The following NKPD1 variants were observed in gnomAD, a reference collection of about 807,000 sequenced individuals.
NKPD1 encodes NTPase KAP family P-loop domain containing 1.
NKPD1 carries 37 observed loss-of-function variants against 42.2 expected under a neutral mutation model. That is an observed-to-expected ratio of 0.88 (90% CI 0.67 to 1.15). The LOEUF is 1.15. Ranked by LOEUF, NKPD1 falls within the 50% of genes most tolerant of loss-of-function variation. The pLI is 0.00. For missense variants in NKPD1, 1,113 were observed against 1,174.6 expected (o/e 0.95, Z 0.77); for synonymous variants, 552 against 536.5 (o/e 1.03, Z -0.40).
At position 45,152,420 on chromosome 19, in the gene NKPD1, A is replaced by T. The variant is rs1436315559; in HGVS notation, c.2017T>A (p.Cys673Ser). The change falls in exon 5 of 5, where the codon TGC (cysteine) becomes AGC (serine). Residue 673 changes from cysteine to serine, a missense_variant. Physicochemically the swap from Cys to Ser is moderately radical, Grantham distance 112 (BLOSUM62 -1). Around this residue, in one of 3 missense-constraint regions of NKPD1, gnomAD observed 867 missense variants for 870.1 expected, o/e 1.00. Coordinates refer to ENST00000686631, the MANE Select transcript of NKPD1 (RefSeq NM_198478.4). ...CCGGTCTGCTGCCGGTCCTCCAGGCACTGCAGCGCCCAGCTCAGGCGGCAC... is the reference window on the plus strand; with the variant it reads ...CCGGTCTGCTGCCGGTCCTCCAGGCTCTGCAGCGCCCAGCTCAGGCGGCAC... Reference protein sequence around the residue: ...WPCRLSWALQCLEDRQQTGGA... With the variant: ...WPCRLSWALQSLEDRQQTGGA... 6.4e-7 allele frequency: 1 copy of T among 1,570,522 alleles called. No individual in the cohort carries two copies.
Position 45,158,714 on chromosome 19 carries a change from G to C in NKPD1, c.478C>G (p.Arg160Gly), listed in dbSNP as rs150780522. ...LLKPSEPTDA[R>G]PLPAPAACGS... ...CAGGCCGCTGGGGCGGGCAGGGGCC[G>C]GGCATCAGTGGGCTCGCTGGGCTTC... Residue 160 changes from arginine to glycine, a missense_variant, in exon 3 of 5, where the codon CGG becomes GGG. By Grantham distance (125) the Arg-to-Gly change is moderately radical. This residue lies in a region of NKPD1 where 204 missense variants were observed against 227.8 expected (regional missense o/e 0.90). Coordinates refer to ENST00000686631, the MANE Select transcript of NKPD1 (RefSeq NM_198478.4). This position sits in a 1 kb window ranked among gnomAD's most constrained non-coding sequence, Gnocchi z 4.6. The C allele has an allele frequency of 1.7e-6, 2 of 1,198,870 alleles. No individual in the cohort carries two copies. Among genetic ancestry groups the C allele is most frequent in the African/African-American group, 3.3e-5 (2 of 61,512 alleles). 74.3% of individuals were successfully genotyped at this position (1,198,870 alleles called of 1,614,324 possible). A position where few individuals can be genotyped will look rare whatever the true frequency, so the allele number is the denominator to read the frequency against.
At chr19:45,162,782 C>T (rs1969034140), upstream of NKPD1, 1 of 170,860 alleles carries the variant, frequency 5.9e-6, no homozygotes, top group Admixed American at 6.3e-5. Context: ...GCCAGCATCC[C>T]TCTGCCAGGA....
chr19:45,156,307 T>A (rs1968901823), intron 3 of NKPD1, among the ~76,000 whole-genome samples: 1 of 152,098 alleles, frequency 6.6e-6, no homozygotes, highest in South Asian at 2.1e-4. Flanking sequence ...CTTTCCACCA[T>A]CAGCAGGACT....
Position 45,152,920 on chromosome 19 carries a change from C to G in NKPD1, c.1517G>C (p.Gly506Ala). The G allele has an allele frequency of 6.3e-7, 1 of 1,579,890 alleles. No homozygotes were observed. Among genetic ancestry groups the G allele is most frequent in the Non-Finnish European group, 8.6e-7 (1 of 1,160,888 alleles). Residue 506 changes from glycine to alanine, a missense_variant, in exon 5 of 5, where the codon GGC (glycine) becomes GCC (alanine). By Grantham distance (60) the Gly-to-Ala change is moderately conservative (BLOSUM62 0). Around this residue, in one of 3 missense-constraint regions of NKPD1, gnomAD observed 867 missense variants for 870.1 expected, o/e 1.00. Coordinates refer to ENST00000686631, the MANE Select transcript of NKPD1 (RefSeq NM_198478.4). The stretch of plus-strand genomic sequence containing the variant: ...GTTATCGGCCGTGCCCTTCATGTTG[C>G]CCGCGCTCTCTAGGCACGCGGCCAG... Reference protein sequence around the residue: ...SILAACLESAGNMKGTADNGY... With the variant: ...SILAACLESAANMKGTADNGY...
chr19:45,151,848 C>T lies in NKPD1; in HGVS notation c.*90G>A. On this transcript the variant is annotated 3_prime_UTR_variant, in exon 5 of 5. Coordinates refer to ENST00000686631, the MANE Select transcript of NKPD1 (RefSeq NM_198478.4). ...GTGGGCCTCACAGGGCTCATTCGGA[C>T]CCTGGGTTGCGGCCCCAGTCCAGCC... 1 of 1,362,436 alleles carries T rather than the reference C, an allele frequency of 7.3e-7. No individual in the cohort carries two copies. Among genetic ancestry groups the T allele is most frequent in the Non-Finnish European group, 9.7e-7 (1 of 1,027,506 alleles). The allele number at this position is 1,362,436 out of a possible 1,614,324, so 84.4% of individuals were successfully genotyped here. A position where few individuals can be genotyped will look rare whatever the true frequency, so the allele number is the denominator to read the frequency against.
rs1413567168 is a variant in NKPD1 at position 45,151,911 on chromosome 19, C to T, written c.*27G>A. On this transcript the variant is annotated 3_prime_UTR_variant, in exon 5 of 5. Coordinates refer to ENST00000686631, the MANE Select transcript of NKPD1 (RefSeq NM_198478.4). ...ATCTGGGCAGATGGAGGAACCCTTG[C>T]CTCCTGCTGCCCGCCAAGTCCTCCA... 2 of 1,513,504 alleles carry T rather than the reference C, an allele frequency of 1.3e-6. No homozygotes were observed. The highest frequency in any genetic ancestry group is 1.8e-6 in the Non-Finnish European group (2 of 1,128,402). The allele number at this position is 1,513,504 out of a possible 1,614,324, so 93.8% of individuals were successfully genotyped here. A position where few individuals can be genotyped will look rare whatever the true frequency, so the allele number is the denominator to read the frequency against.
chr19:45,152,012 CCA>C lies in NKPD1; in HGVS notation c.2423_2424del (p.Leu808CysfsTer46). ...ACCGGCCATAGCTTGCCCCTGTGGG[CCA>C]AGTCCCCAGTGTGGTGGCCTTCGCC... is the stretch of plus-strand genomic sequence containing the variant. ...QAGEGHHTGD[L>X]AHRGKLWPVA... is the part of the protein sequence containing the mutation. On this transcript the variant is annotated frameshift_variant, in exon 5 of 5. Transcript: ENST00000686631. LOFTEE classifies it low-confidence loss of function (END_TRUNC). The C allele has an allele frequency of 2.5e-6, 4 of 1,610,224 alleles. No individual in the cohort carries two copies. The highest frequency in any genetic ancestry group is 2.5e-6 in the Non-Finnish European group (3 of 1,178,582).
At chr19:45,157,649 C>T (rs1228478523) in intron 3 of NKPD1, among the ~76,000 whole-genome samples, 6 of 151,118 alleles carry the variant, frequency 4.0e-5, no homozygotes, top group Non-Finnish European at 7.4e-5. Flanking sequence ...CTCCTGGCCT[C>T]AAGCGATCCT....
chr19:45,159,455 T>G (rs560018693), intron 2 of NKPD1, among the ~76,000 whole-genome samples: 1 of 151,956 alleles, frequency 6.6e-6, no homozygotes, highest in African/African-American at 2.4e-5. Flanking sequence ...AGAAGATCCA[T>G]TGGGAGCTGG....
At position 45,152,501 on chromosome 19, in the gene NKPD1, C is replaced by T; in HGVS notation, c.1936G>A (p.Gly646Arg). The T allele has an allele frequency of 4.5e-6, 7 of 1,563,122 alleles. No homozygotes were observed. Among genetic ancestry groups the T allele is most frequent in the Non-Finnish European group, 6.0e-6 (7 of 1,163,668 alleles). The change falls in exon 5 of 5, where the codon GGG becomes AGG. Residue 646 changes from glycine (G) to arginine (R), a missense_variant. Coordinates refer to ENST00000686631, the MANE Select transcript of NKPD1 (RefSeq NM_198478.4). ...LQQQQQQGDF[G>R]GPTPRQAVAW... ...ACCGCCTGGCGCGGCGTGGGGCCCC[C>T]AAAGTCCCCCTGCTGCTGCTGCTGC...
In NKPD1 at chr19:45,152,404, T is replaced by C; in HGVS notation, c.2033A>G (p.Gln678Arg). 6.3e-7 allele frequency: 1 copy of C among 1,575,444 alleles called. No individual in the cohort carries two copies. The highest frequency in any genetic ancestry group is 8.6e-7 in the Non-Finnish European group (1 of 1,162,220). Residue 678 changes from glutamine (Q) to arginine (R), a missense_variant, in exon 5 of 5, where the codon CAG becomes CGG. Coordinates refer to ENST00000686631, the MANE Select transcript of NKPD1 (RefSeq NM_198478.4). ...SWALQCLEDR[Q>R]QTGGAPEGRA... ...GCCCTCGGGCGCGCCCCCGGTCTGC[T>C]GCCGGTCCTCCAGGCACTGCAGCGC...
Position 45,155,179 on chromosome 19 carries a change from G to A in NKPD1, c.661+606C>T, listed in dbSNP as rs558431694. On this transcript the variant is annotated intron_variant, in intron 4 of 4. Transcript: ENST00000686631. Reference sequence around the variant, plus strand: ...TAAAAATACAAAAAATTAGCTGGGCGTGGTGGTGAGCGCCTGTAATCCCAG... The same window carrying A: ...TAAAAATACAAAAAATTAGCTGGGCATGGTGGTGAGCGCCTGTAATCCCAG... Among the ~76,000 whole-genome samples, 48 of 150,634 alleles carry A rather than the reference G, an allele frequency of 3.2e-4. No individual in the cohort carries two copies. In the Middle Eastern group the frequency reaches 0.01, roughly 33 times the overall value.
upstream of NKPD1, among the ~76,000 whole-genome samples, chr19:45,161,038 C>T (rs888279054): frequency 1.3e-5 from 2 of 152,176 alleles, no homozygotes; most frequent in African/African-American, 2.4e-5. Flanking sequence ...CCCGCCTGAC[C>T]GGTTTGCCTG....
At position 45,151,963 on chromosome 19, in the gene NKPD1, C is replaced by T. The variant is rs1412132101; in HGVS notation, c.2474G>A (p.Gly825Glu). 3.1e-6 allele frequency: 5 copies of T among 1,589,998 alleles called. No homozygotes were observed. In the South Asian group the frequency reaches 4.5e-5, roughly 14 times the overall value. ...WPVACALFRP[G>E]QSSPGGP ...TTAAGGCCCACCTGGGCTGGATTGC[C>T]CTGGACGGAAGAGCGCACAGGCCAC... Residue 825 changes from glycine (G) to glutamate (E), a missense_variant, in exon 5 of 5, where the codon GGG becomes GAG. By Grantham distance (98) the Gly-to-Glu change is moderately conservative. Coordinates refer to ENST00000686631, the MANE Select transcript of NKPD1 (RefSeq NM_198478.4).
At position 45,152,235 on chromosome 19, in the gene NKPD1, G is replaced by C. The variant is rs373127837; in HGVS notation, c.2202C>G (p.Ala734=). 7 of 1,605,958 alleles carry C rather than the reference G, an allele frequency of 4.4e-6. No homozygotes were observed. The highest frequency in any genetic ancestry group is 5.9e-6 in the Non-Finnish European group (7 of 1,177,104). Residue 734 remains alanine, a synonymous_variant, in exon 5 of 5, where the codon GCC becomes GCG. Coordinates refer to ENST00000686631, the MANE Select transcript of NKPD1 (RefSeq NM_198478.4). ...TGCAGCGCAGCAGGCTCTGCGCCTC[G>C]GCCACGGTGAAGGGGAAGTCGGCGC... ...FLGADFPFTV[A]EAQSLLRCTV...
Position 45,158,543 on chromosome 19 carries a change from G to A in NKPD1, c.529+120C>T. 2 of 1,067,046 alleles carry A rather than the reference G, an allele frequency of 1.9e-6. No homozygotes were observed. The highest frequency in any genetic ancestry group is 4.7e-5 in the South Asian group (2 of 42,236). The allele number at this position is 1,067,046 out of a possible 1,614,324, so 66.1% of individuals were successfully genotyped here. A position where few individuals can be genotyped will look rare whatever the true frequency, so the allele number is the denominator to read the frequency against. On this transcript the variant is annotated intron_variant, in intron 3 of 4. Transcript: ENST00000686631. This position sits in a 1 kb window ranked among gnomAD's most constrained non-coding sequence, Gnocchi z 4.6. ...GCCAGGGACGCACCCCTCCTAGATAGGGAACAGGGTGTGGATGAAGAGGGC... is the reference window on the plus strand; with the variant it reads ...GCCAGGGACGCACCCCTCCTAGATAAGGAACAGGGTGTGGATGAAGAGGGC...
Position 45,153,241 on chromosome 19 carries a change from A to G in NKPD1, c.1196T>C (p.Val399Ala). The G allele has an allele frequency of 1.2e-6, 2 of 1,602,138 alleles. No homozygotes were observed. The highest frequency in any genetic ancestry group is 1.7e-6 in the Non-Finnish European group (2 of 1,175,344). ...CTGGCTTACGAACAGGTGCTTGCCC[A>G]CCGAGTACACGGCCATGAGCAGCCC... ...GSGLLMAVYSVGKHLFVSQRK... is the reference protein window; with the variant it reads ...GSGLLMAVYSAGKHLFVSQRK... The change falls in exon 5 of 5, where the codon GTG becomes GCG. Residue 399 changes from valine (V) to alanine (A), a missense_variant. Val to Ala is a moderately conservative substitution (Grantham distance 64). Coordinates refer to ENST00000686631, the MANE Select transcript of NKPD1 (RefSeq NM_198478.4).
At chr19:45,161,893 A>AAG (rs1195129744), upstream of NKPD1, among the ~76,000 whole-genome samples, 1 of 152,134 alleles carries the variant, frequency 6.6e-6, no homozygotes, top group Non-Finnish European at 1.5e-5. Context: ...TGCCCAGGAC[A>AAG]AGATAAAGGG....
Position 45,152,506 on chromosome 19 carries a change from TC to T in NKPD1, c.1930del (p.Asp644ThrfsTer24), listed in dbSNP as rs745804242. ...RLLQQQQQQG[D>X]FGGPTPRQAV... ...CTGGCGCGGCGTGGGGCCCCCAAAG[TC>T]CCCCTGCTGCTGCTGCTGCTGCAGC... On this transcript the variant is annotated frameshift_variant, in exon 5 of 5. Transcript: ENST00000686631. LOFTEE classifies it low-confidence loss of function (END_TRUNC). 16 of 1,563,962 alleles carry T rather than the reference TC, an allele frequency of 1.0e-5. No homozygotes were observed. The highest frequency in any genetic ancestry group is 1.4e-5 in the Non-Finnish European group (16 of 1,164,258).
Sources: gnomAD v4.1 joint callset for allele counts (sites outside exome capture counted in the v4.1 genomes callset) on GRCh38, gnomAD v4.1.1 for gene constraint, gnomAD v4.1.1 regional missense constraint, Gnocchi (gnomAD v3.1) non-coding constraint, MANE v1.5 for transcripts, NCBI Gene and HGNC (gene_info 2026-07-23, HGNC 2026-07-21) for gene names.